Variants in TNS3 observed in about 807,000 individuals in gnomAD.
TNS3 encodes tensin 3.
Under a neutral mutation model 140.9 loss-of-function variants are expected in TNS3, and 45 were observed. The observed-to-expected ratio is 0.32, with a 90% CI of 0.25 to 0.41. TNS3 has a LOEUF of 0.41. Among genes scored for constraint, TNS3 ranks in the 10% least tolerant of loss-of-function variants. TNS3 has a pLI of 1.00. For synonymous variants in TNS3, 815 were observed against 788.4 expected (o/e 1.03, Z -0.56); for missense variants, 1,716 against 1,906.7 (o/e 0.90, Z 1.86).
At chr7:47,526,884 C>T (rs1799212579) in intron 2 of TNS3, among the ~76,000 whole-genome samples, 1 of 152,206 alleles carries the variant, frequency 6.6e-6, no homozygotes, top group South Asian at 2.1e-4. Flanking sequence ...CCACGACTTT[C>T]CTTTTCCTTC....
intron 16 of TNS3, among the ~76,000 whole-genome samples, chr7:47,377,016 C>T (rs539585527): frequency 6.6e-6 from 1 of 152,242 alleles, no homozygotes; most frequent in African/African-American, 2.4e-5. Flanking sequence ...GGTCAGGAGC[C>T]ATGGATATGC....
intron 13 of TNS3, among the ~76,000 whole-genome samples, chr7:47,403,822 A>T (rs1159164217): frequency 6.6e-6 from 1 of 152,216 alleles, no homozygotes; most frequent in Non-Finnish European, 1.5e-5. Context: ...CTACATCAAC[A>T]AATCTTTTTA....
intron 3 of TNS3, among the ~76,000 whole-genome samples, chr7:47,504,689 G>A (rs1562812394): frequency 6.6e-6 from 1 of 152,210 alleles, no homozygotes; most frequent in African/African-American, 2.4e-5. Flanking sequence ...TCAGTTCCTG[G>A]AAGACCGAGC....
chr7:47,543,492 G>A (rs1028959077), intron 1 of TNS3, among the ~76,000 whole-genome samples: 4 of 152,214 alleles, frequency 2.6e-5, no homozygotes, highest in Admixed American at 2.0e-4. Flanking sequence ...GTGACCCAGC[G>A]ACATCCTAGG....
intron 1 of TNS3, among the ~76,000 whole-genome samples, chr7:47,570,385 A>G (rs1467588154): frequency 6.6e-6 from 1 of 152,150 alleles, no homozygotes. Context: ...ACCTGCATGG[A>G]CTCCTGGGGA....
chr7:47,446,418 C>T (rs1303529755), intron 4 of TNS3, among the ~76,000 whole-genome samples: 2 of 152,144 alleles, frequency 1.3e-5, no homozygotes, highest in African/African-American at 4.8e-5. Flanking sequence ...AAATCCAAGC[C>T]CTTAGTGATT....
intron 3 of TNS3, among the ~76,000 whole-genome samples, chr7:47,495,816 T>C (rs1439303651): frequency 3.3e-5 from 5 of 152,142 alleles, no homozygotes; most frequent in Non-Finnish European, 7.4e-5. Context: ...TGTCTAAACA[T>C]TGAAAGAGAA....
At chr7:47,530,204 C>A (rs1799341424) in intron 1 of TNS3, among the ~76,000 whole-genome samples, 1 of 152,106 alleles carries the variant, frequency 6.6e-6, no homozygotes, top group East Asian at 1.9e-4. Flanking sequence ...AGATCCAAAT[C>A]AAACATTCAT....
At chr7:47,442,861 CCATCAGAGG>C (rs1271535620) in intron 4 of TNS3, among the ~76,000 whole-genome samples, 1 of 152,212 alleles carries the variant, frequency 6.6e-6, no homozygotes, top group East Asian at 1.9e-4. Context: ...ACAGACACCA[CCATCAGAGG>C]CATCAACACC....
At chr7:47,475,541 G>A (rs1023485580) in intron 4 of TNS3, among the ~76,000 whole-genome samples, 2 of 152,248 alleles carry the variant, frequency 1.3e-5, no homozygotes, top group Admixed American at 6.5e-5. Flanking sequence ...CCCGGGGGGG[G>A]GGCCAGGCCC....
intron 4 of TNS3, among the ~76,000 whole-genome samples, chr7:47,447,213 G>A (rs1346974983): frequency 6.6e-6 from 1 of 152,102 alleles, no homozygotes; most frequent in Non-Finnish European, 1.5e-5. Context: ...TAAAAAATTA[G>A]ATGCACTGCC....
chr7:47,385,336 T>A (rs1344654171), intron 16 of TNS3, among the ~76,000 whole-genome samples: 1 of 152,192 alleles, frequency 6.6e-6, no homozygotes, highest in African/African-American at 2.4e-5. Context: ...GCAAGCTGCA[T>A]GCTCGGAAGG....
chr7:47,511,714 G>A (rs536310576), intron 2 of TNS3, among the ~76,000 whole-genome samples: 15 of 152,130 alleles, frequency 9.9e-5, no homozygotes, highest in African/African-American at 2.9e-4. Flanking sequence ...GGCTTCTGGC[G>A]AAGGCCTTCC....
At position 47,389,169 on chromosome 7, in the gene TNS3, C is replaced by A. The variant is rs111914414; in HGVS notation, c.1024+7631G>T. On this transcript the variant is annotated intron_variant, in intron 16 of 30. Coordinates refer to ENST00000311160, the MANE Select transcript of TNS3 (RefSeq NM_022748.12). ...GAAGAAGAAGAAGCAGAAGAAGCAG[C>A]AGAAGCAGAAGAAGCAGAAGAAGAA... is the stretch of plus-strand genomic sequence containing the variant. Among the ~76,000 whole-genome samples, 182 of 78,848 alleles carry A rather than the reference C, an allele frequency of 2.3e-3. 30 individuals are homozygous for A. The highest frequency in any genetic ancestry group is 7.5e-3 in the African/African-American group (153 of 20,360). 51.7% of individuals were successfully genotyped at this position (78,848 alleles called of 152,430 possible). A position where few individuals can be genotyped will look rare whatever the true frequency, so the allele number is the denominator to read the frequency against.
At chr7:47,429,307 AG>A (rs1335912341) in intron 8 of TNS3, among the ~76,000 whole-genome samples, 1 of 152,128 alleles carries the variant, frequency 6.6e-6, no homozygotes, top group Non-Finnish European at 1.5e-5. Flanking sequence ...CTCTCACTGC[AG>A]GGGTAGGTTT....
At chr7:47,285,726 G>A (rs1306292441) in intron 27 of TNS3, among the ~76,000 whole-genome samples, 1 of 152,184 alleles carries the variant, frequency 6.6e-6, no homozygotes, top group Non-Finnish European at 1.5e-5. Flanking sequence ...GATTGAGAAA[G>A]GAAATATTCT....
chr7:47,534,085 C>A (rs1442157813), intron 1 of TNS3, among the ~76,000 whole-genome samples: 7 of 151,960 alleles, frequency 4.6e-5, no homozygotes, highest in Admixed American at 3.3e-4. Context: ...ACCAGCCTGG[C>A]CAACATGGTG....
chr7:47,516,800 CG>C (rs1562822423), intron 2 of TNS3, among the ~76,000 whole-genome samples: 1 of 152,190 alleles, frequency 6.6e-6, no homozygotes, highest in African/African-American at 2.4e-5. Context: ...CAGTGGCTCA[CG>C]GCTATAATCC....
chr7:47,401,414 T>A (rs1478865910), intron 13 of TNS3, among the ~76,000 whole-genome samples: 1 of 152,192 alleles, frequency 6.6e-6, no homozygotes, highest in African/African-American at 2.4e-5. Flanking sequence ...GTGTGTACTA[T>A]CCTAAATGAT....
Sources: gnomAD v4.1 joint callset for allele counts (sites outside exome capture counted in the v4.1 genomes callset) on GRCh38, gnomAD v4.1.1 for gene constraint, MANE v1.5 for transcripts, NCBI Gene and HGNC (gene_info 2026-07-23, HGNC 2026-07-21) for gene names.